SDK2: variants seen among roughly 807,000 people sequenced by gnomAD.
The protein encoded by SDK2 is sidekick cell adhesion molecule 2, also known as protein sidekick-2.
In SDK2, 105 loss-of-function variants were observed where a neutral mutation model predicts 253.9. The ratio of observed to expected loss-of-function variants is 0.41; its 90% CI spans 0.35 to 0.49. The LOEUF (loss-of-function observed/expected upper bound fraction) is 0.49, where lower values mean the gene tolerates loss of function less well. Among genes scored for constraint, SDK2 ranks in the 20% least tolerant of loss-of-function variants. SDK2 has a pLI of 0.06. For synonymous variants in SDK2, 1,249 were observed against 1,234.9 expected (o/e 1.01, Z -0.24); for missense variants, 2,608 against 3,003.0 (o/e 0.87, Z 3.07).
chr17:73,407,482 T>G lies in SDK2; in HGVS notation c.2485-5341A>C, dbSNP rs913554854. The stretch of plus-strand genomic sequence containing the variant: ...AAAACAAAACAAAAAAAATCCTTGG[T>G]TATCTAATAATACTACCAAACCCAA... On this transcript the variant is annotated intron_variant, in intron 18 of 44. Transcript: ENST00000392650. Among the ~76,000 whole-genome samples, 6 of 152,174 alleles carry G rather than the reference T, an allele frequency of 3.9e-5. No individual in the cohort carries two copies. In the East Asian group the frequency reaches 1.2e-3, roughly 29 times the overall value.
Position 73,361,913 on chromosome 17 carries a change from G to A in SDK2, c.5306-68C>T. The stretch of plus-strand genomic sequence containing the variant: ...CGAGGGCACTGGAGGCCATGGGGAA[G>A]GGGAAGCGGCCGTGGCCTGGGCCCC... On this transcript the variant is annotated intron_variant, in intron 38 of 44. Coordinates refer to ENST00000392650, the MANE Select transcript of SDK2 (RefSeq NM_001144952.2). This position sits in a 1 kb window ranked among gnomAD's most constrained non-coding sequence, Gnocchi z 4.1. The A allele has an allele frequency of 1.4e-6, 2 of 1,472,100 alleles. No homozygotes were observed. Among genetic ancestry groups the A allele is most frequent in the East Asian group, 2.5e-5 (1 of 39,932 alleles). 91.2% of individuals were successfully genotyped at this position (1,472,100 alleles called of 1,614,324 possible). A position where few individuals can be genotyped will look rare whatever the true frequency, so the allele number is the denominator to read the frequency against.
At chr17:73,359,674 C>G (rs2062624998) in intron 39 of SDK2, among the ~76,000 whole-genome samples, 1 of 152,232 alleles carries the variant, frequency 6.6e-6, no homozygotes, top group South Asian at 2.1e-4. Context: ...GAGACACGTT[C>G]TCACTCTGTT....
intron 37 of SDK2, among the ~76,000 whole-genome samples, chr17:73,367,845 G>A (rs568182893): frequency 4.6e-5 from 7 of 152,226 alleles, no homozygotes; most frequent in Admixed American, 2.0e-4. Flanking sequence ...TCCTCAGGGA[G>A]GGCTTTGTGG....
chr17:73,386,401 A>G, intron 31 of SDK2, 44 bp downstream of exon 31: 1 of 1,351,338 alleles, frequency 7.4e-7, no homozygotes, highest in Non-Finnish European at 1.0e-6. Context: ...CCCAGGAAGC[A>G]GCCAGTGGGC....
chr17:73,407,347 C>T (rs1008351384), intron 18 of SDK2, among the ~76,000 whole-genome samples: 1 of 152,056 alleles, frequency 6.6e-6, no homozygotes, highest in African/African-American at 2.4e-5. Flanking sequence ...ACCATCAAGT[C>T]GAAGAGGCCA....
chr17:73,345,873 G>A (rs2062478422), intron 44 of SDK2, among the ~76,000 whole-genome samples: 1 of 152,102 alleles, frequency 6.6e-6, no homozygotes, highest in African/African-American at 2.4e-5. Context: ...CTTCATAAAT[G>A]TTTGCTATTA....
chr17:73,391,415 G>C lies in SDK2; in HGVS notation c.3997+25C>G, dbSNP rs7214272. On this transcript the variant is annotated intron_variant, in intron 28 of 44. Coordinates refer to ENST00000392650, the MANE Select transcript of SDK2 (RefSeq NM_001144952.2). ...TGCCTCTTCCTTCTTCCTGCAGCCG[G>C]GGCACGGGAAGGGCAAAGGCTTACC... The C allele has an allele frequency of 6.8e-3, 8,521 of 1,260,712 alleles. 431 individuals are homozygous for C. The African/African-American group carries it at 0.11, about 17-fold the overall frequency. The allele number at this position is 1,260,712 out of a possible 1,614,324, so 78.1% of individuals were successfully genotyped here.
intron 31 of SDK2, 112 bp downstream of exon 31, chr17:73,386,333 G>A: frequency 1.3e-6 from 1 of 796,104 alleles, no homozygotes; most frequent in South Asian, 1.5e-5. Context: ...AGGGCCCAGT[G>A]GGTCCCACGC....
Position 73,395,074 on chromosome 17 carries a change from G to T in SDK2, c.3592+81C>A. The stretch of plus-strand genomic sequence containing the variant: ...GTTTTTGAACAACACCTTCAGCCTG[G>T]CACGCGCTTGGATGACCCTGAGGGC... On this transcript the variant is annotated intron_variant, in intron 25 of 44. Coordinates refer to ENST00000392650, the MANE Select transcript of SDK2 (RefSeq NM_001144952.2). This position sits in a 1 kb window ranked among gnomAD's most constrained non-coding sequence, Gnocchi z 4.3. The T allele has an allele frequency of 9.3e-7, 1 of 1,073,474 alleles. No individual in the cohort carries two copies. The highest frequency in any genetic ancestry group is 1.3e-6 in the Non-Finnish European group (1 of 742,266). The allele number at this position is 1,073,474 out of a possible 1,614,324, so 66.5% of individuals were successfully genotyped here.
rs1465876647 is a variant in SDK2, at chr17:73,616,648, A to G, written c.64+27377T>C. 6.6e-6 allele frequency among the ~76,000 whole-genome samples: 1 copy of G among 152,196 alleles called. No homozygotes were observed. Among genetic ancestry groups the G allele is most frequent in the Non-Finnish European group, 1.5e-5 (1 of 68,034 alleles). ...CATGATGCTATAAACGAAGGAAGATAAGAAACTAACTAGTCCAGCTAGTTT... is the reference window on the plus strand; with the variant it reads ...CATGATGCTATAAACGAAGGAAGATGAGAAACTAACTAGTCCAGCTAGTTT... On this transcript the variant is annotated intron_variant, in intron 1 of 44. Coordinates refer to ENST00000392650, the MANE Select transcript of SDK2 (RefSeq NM_001144952.2). This position sits in a 1 kb window ranked among gnomAD's most constrained non-coding sequence, Gnocchi z 5.2.
intron 39 of SDK2, among the ~76,000 whole-genome samples, chr17:73,359,173 G>A (rs1230536679): frequency 6.6e-6 from 1 of 152,032 alleles, no homozygotes; most frequent in East Asian, 1.9e-4. Context: ...GCATGAGTGG[G>A]TGGCCACCTG....
chr17:73,494,728 C>T (rs759535560), intron 2 of SDK2, among the ~76,000 whole-genome samples: 1 of 152,210 alleles, frequency 6.6e-6, no homozygotes, highest in Non-Finnish European at 1.5e-5. Context: ...TCCCATCTGC[C>T]ACCACCCTGC....
At chr17:73,399,315 A>G in intron 21 of SDK2, 26 bp from the exon 22 acceptor site, 1 of 1,613,190 alleles carries the variant, frequency 6.2e-7, no homozygotes, top group Non-Finnish European at 8.5e-7. Flanking sequence ...AGGGTGGGGA[A>G]GGAGATCCGG....
chr17:73,560,785 G>T (rs570706664), intron 1 of SDK2, among the ~76,000 whole-genome samples: 7 of 152,304 alleles, frequency 4.6e-5, no homozygotes, highest in African/African-American at 1.2e-4. Flanking sequence ...CTGCTTACAG[G>T]GCTACTGTGA....
At chr17:73,596,161 G>A (rs1183946942) in intron 1 of SDK2, among the ~76,000 whole-genome samples, 2 of 152,164 alleles carry the variant, frequency 1.3e-5, no homozygotes, top group African/African-American at 4.8e-5. Context: ...CCTGGGTCCT[G>A]GGCAGCTTTG....
In SDK2 at chr17:73,594,628, C is replaced by T. The variant is rs530799420; in HGVS notation, c.64+49397G>A. Among the ~76,000 whole-genome samples the T allele has an allele frequency of 1.1e-3, 170 of 152,230 alleles. 1 individual carries two copies. Among genetic ancestry groups the T allele is most frequent in the Non-Finnish European group, 1.9e-3 (130 of 68,004 alleles). Reference sequence around the variant, plus strand: ...CACACACAACACATACAAATACACACAGAACACACAGAAATACACCCATAG... The same window carrying T: ...CACACACAACACATACAAATACACATAGAACACACAGAAATACACCCATAG... On this transcript the variant is annotated intron_variant, in intron 1 of 44. Transcript: ENST00000392650.
chr17:73,495,232 T>G (rs2063833943), intron 2 of SDK2, among the ~76,000 whole-genome samples: 1 of 152,184 alleles, frequency 6.6e-6, no homozygotes, highest in African/African-American at 2.4e-5. Flanking sequence ...GAAGGGCAGC[T>G]CAGCTCCAGC....
chr17:73,431,703 GC>G lies in SDK2; in HGVS notation c.1313-35del. The stretch of plus-strand genomic sequence containing the variant: ...AAAACAGGGTGGGGGTCAGCCTGTA[GC>G]CCCCAAGGGCACACCCTGCCCTTCC... On this transcript the variant is annotated intron_variant, in intron 10 of 44. Coordinates refer to ENST00000392650, the MANE Select transcript of SDK2 (RefSeq NM_001144952.2). The surrounding 1 kb of genome is among the most constrained non-coding windows in gnomAD (Gnocchi z 5.6). 1 of 1,560,358 alleles carries G rather than the reference GC, an allele frequency of 6.4e-7. No individual in the cohort carries two copies.
chr17:73,545,544 A>ATT (rs1273656402), intron 1 of SDK2, among the ~76,000 whole-genome samples: 2 of 152,212 alleles, frequency 1.3e-5, no homozygotes, highest in African/African-American at 4.8e-5. Context: ...TGCCGCAAGC[A>ATT]GGCAAAGGGA....
Sources: allele counts gnomAD v4.1 joint callset (sites outside exome capture counted in the v4.1 genomes callset), GRCh38; gene constraint gnomAD v4.1.1; non-coding constraint Gnocchi (gnomAD v3.1); transcripts MANE v1.5; gene names NCBI Gene and HGNC (gene_info 2026-07-23, HGNC 2026-07-21).